The following GLRA3 variants were observed in gnomAD, a reference collection of about 807,000 sequenced individuals.
The protein encoded by GLRA3 is glycine receptor subunit alpha-3.
A neutral mutation model predicts 60.4 loss-of-function variants in GLRA3; 44 were observed. That is an observed-to-expected ratio of 0.73 (90% CI 0.57 to 0.94). GLRA3 has a LOEUF of 0.94. Among genes scored for constraint, GLRA3 ranks in the 40% least tolerant of loss-of-function variants. GLRA3 has a pLI of 0.00. For missense variants in GLRA3, 508 were observed against 564.6 expected (o/e 0.90, Z 1.02); for synonymous variants, 223 against 192.9 (o/e 1.16, Z -1.29).
intron 5 of GLRA3, among the ~76,000 whole-genome samples, chr4:174,709,338 T>C (rs1046157882): frequency 6.6e-6 from 1 of 152,018 alleles, no homozygotes; most frequent in East Asian, 1.9e-4. Flanking sequence ...CAAGTCTTCA[T>C]TGCAGAATTC....
At chr4:174,724,225 T>C (rs185734015) in intron 4 of GLRA3, among the ~76,000 whole-genome samples, 29 of 152,150 alleles carry the variant, frequency 1.9e-4, no homozygotes, top group Admixed American at 1.6e-3. Context: ...AGTGAACATA[T>C]ATAGGCCCTT....
At chr4:174,772,858 G>A (rs1738446639) in intron 2 of GLRA3, among the ~76,000 whole-genome samples, 1 of 152,134 alleles carries the variant, frequency 6.6e-6, no homozygotes, top group Non-Finnish European at 1.5e-5. Flanking sequence ...GAATGGACCT[G>A]ACCCCGAAGG....
rs555956523 is a variant in GLRA3, at chr4:174,749,350, A to G, written c.267+17613T>C. ...GGCTGGCATGGTTTCTGTTACAACC[A>G]CTGAATGCAACTGGAGCAATCTTTG... On this transcript the variant is annotated intron_variant, in intron 3 of 9. Transcript: ENST00000274093. Among the ~76,000 whole-genome samples the G allele has an allele frequency of 5.9e-5, 9 of 152,278 alleles. No homozygotes were observed. The South Asian group carries it at 1.9e-3, about 32-fold the overall frequency.
At chr4:174,754,848 G>A (rs2111204863) in intron 3 of GLRA3, among the ~76,000 whole-genome samples, 1 of 152,084 alleles carries the variant, frequency 6.6e-6, no homozygotes, top group East Asian at 1.9e-4. Flanking sequence ...TATATAAATA[G>A]GAGCTCTAAT....
chr4:174,804,827 T>C (rs910952032), intron 1 of GLRA3, among the ~76,000 whole-genome samples: 1 of 152,110 alleles, frequency 6.6e-6, no homozygotes, highest in Non-Finnish European at 1.5e-5. Context: ...ACATAGGGCA[T>C]GAAAGATTGG....
At chr4:174,690,699 C>G (rs1196316290) in intron 5 of GLRA3, among the ~76,000 whole-genome samples, 1 of 152,086 alleles carries the variant, frequency 6.6e-6, no homozygotes, top group African/African-American at 2.4e-5. Flanking sequence ...CTGTTGTTCC[C>G]TTCTTTGTGT....
chr4:174,653,790 T>C (rs1322022341), intron 9 of GLRA3, among the ~76,000 whole-genome samples: 1 of 152,078 alleles, frequency 6.6e-6, no homozygotes, highest in Non-Finnish European at 1.5e-5. Context: ...TAATTAACAT[T>C]GAGATGGAAG....
At chr4:174,784,843 G>T (rs1739056635) in intron 2 of GLRA3, among the ~76,000 whole-genome samples, 1 of 152,038 alleles carries the variant, frequency 6.6e-6, no homozygotes, top group Admixed American at 6.6e-5. Context: ...TTATACTTAT[G>T]TCAAATTATC....
chr4:174,682,388 A>G (rs1216198219), intron 6 of GLRA3, among the ~76,000 whole-genome samples: 1 of 152,192 alleles, frequency 6.6e-6, no homozygotes, highest in East Asian at 1.9e-4. Flanking sequence ...AATATGACAA[A>G]GGGAAAAATT....
At chr4:174,794,846 C>T (rs887721526) in intron 1 of GLRA3, among the ~76,000 whole-genome samples, 6 of 151,824 alleles carry the variant, frequency 4.0e-5, no homozygotes, top group South Asian at 2.1e-4. Context: ...AAGTATATTA[C>T]GTAAAAATCA....
chr4:174,740,378 T>C (rs1374947989), intron 3 of GLRA3, among the ~76,000 whole-genome samples: 1 of 152,084 alleles, frequency 6.6e-6, no homozygotes, highest in Non-Finnish European at 1.5e-5. Context: ...AGGAGCCACA[T>C]GTAAGAACTC....
At position 174,677,197 on chromosome 4, in the gene GLRA3, G is replaced by A; in HGVS notation, c.808C>T (p.Leu270=). 2 of 1,611,720 alleles carry A rather than the reference G, an allele frequency of 1.2e-6. No individual in the cohort carries two copies. Among genetic ancestry groups the A allele is most frequent in the East Asian group, 4.5e-5 (2 of 44,862 alleles). ...MYIPSLLIVI[L]SWVSFWINMD... is the part of the protein sequence containing the mutation. ...TTGATCCAGAATGAAACCCAGGATA[G>A]AATAACAATCAGGAGACTGGGAATG... The change falls in exon 7 of 10, where the codon CTA becomes TTA. Residue 270 remains leucine, a synonymous_variant. Transcript: ENST00000274093.
intron 9 of GLRA3, 138 bp downstream of exon 9, chr4:174,656,605 G>C: frequency 2.0e-6 from 1 of 501,226 alleles, no homozygotes; most frequent in Non-Finnish European, 3.7e-6. Flanking sequence ...TAGCTGAAGG[G>C]GGATGATATT....
chr4:174,649,868 T>G (rs1427532545), intron 9 of GLRA3, among the ~76,000 whole-genome samples: 1 of 152,088 alleles, frequency 6.6e-6, no homozygotes, highest in Non-Finnish European at 1.5e-5. Flanking sequence ...CATGTCTTCA[T>G]GTGAGGTGGA....
chr4:174,810,233 C>A (rs901049878), intron 1 of GLRA3, among the ~76,000 whole-genome samples: 1 of 152,000 alleles, frequency 6.6e-6, no homozygotes, highest in Non-Finnish European at 1.5e-5. Flanking sequence ...AAAGGACAAT[C>A]AGAAGTGAGA....
intron 3 of GLRA3, among the ~76,000 whole-genome samples, chr4:174,738,388 G>C (rs1432388441): frequency 6.6e-6 from 1 of 152,164 alleles, no homozygotes; most frequent in African/African-American, 2.4e-5. Context: ...ACATTTACAG[G>C]TATTTGGGTT....
intron 3 of GLRA3, among the ~76,000 whole-genome samples, chr4:174,735,482 C>T (rs559518825): frequency 6.6e-6 from 1 of 152,156 alleles, no homozygotes; most frequent in Non-Finnish European, 1.5e-5. Flanking sequence ...TTTATTGCTG[C>T]TTGATGTTAA....
At chr4:174,698,070 A>C (rs1014864427) in intron 5 of GLRA3, among the ~76,000 whole-genome samples, 1 of 152,218 alleles carries the variant, frequency 6.6e-6, no homozygotes, top group Non-Finnish European at 1.5e-5. Context: ...AATAGGCCCC[A>C]AATCATAACC....
Position 174,643,270 on chromosome 4 carries a change from G to A in GLRA3, c.*516C>T. On this transcript the variant is annotated 3_prime_UTR_variant, in exon 10 of 10. Transcript: ENST00000274093. ...AAAAATTTTCAAAATTACATATGTTGTTTAAATAGTATTTATATGTACAAT... is the reference window on the plus strand; with the variant it reads ...AAAAATTTTCAAAATTACATATGTTATTTAAATAGTATTTATATGTACAAT... 1.6e-6 allele frequency: 1 copy of A among 635,984 alleles called. No individual in the cohort carries two copies. The highest frequency in any genetic ancestry group is 2.0e-6 in the Non-Finnish European group (1 of 512,382). The allele number at this position is 635,984 out of a possible 1,614,324, so 39.4% of individuals were successfully genotyped here.
Sources: allele counts gnomAD v4.1 joint callset (sites outside exome capture counted in the v4.1 genomes callset), GRCh38; gene constraint gnomAD v4.1.1; transcripts MANE v1.5; gene names NCBI Gene and HGNC (gene_info 2026-07-23, HGNC 2026-07-21).